The following NKAPD1 variants were observed in gnomAD, a reference collection of about 807,000 sequenced individuals.
NKAPD1 encodes the protein uncharacterized protein NKAPD1.
NKAPD1 carries 12 observed loss-of-function variants against 30.9 expected under a neutral mutation model. The observed-to-expected ratio is 0.39, with a 90% CI of 0.25 to 0.63. NKAPD1 has a LOEUF of 0.63. NKAPD1 is among the 20% of genes least tolerant of loss of function. NKAPD1 has a pLI of 0.51. For synonymous variants in NKAPD1, 91 were observed against 113.6 expected (o/e 0.80, Z 1.26); for missense variants, 311 against 344.5 (o/e 0.90, Z 0.77).
In NKAPD1 at chr11:112,084,218, A is replaced by G. The variant is rs1163602609; in HGVS notation, c.*1246A>G. 2.0e-5 allele frequency: 3 copies of G among 152,600 alleles called. No individual in the cohort carries two copies. The East Asian group carries it at 5.8e-4, about 29-fold the overall frequency. The allele number at this position is 152,600 out of a possible 1,614,324, so 9.5% of individuals were successfully genotyped here. A position where few individuals can be genotyped will look rare whatever the true frequency, so the allele number is the denominator to read the frequency against. ...TCACCTTCCTGGCCTTACTTTCCTG[A>G]TGTGTAATACGGAATTACTTCACAG... On this transcript the variant is annotated 3_prime_UTR_variant, in exon 6 of 6. Transcript: ENST00000393047.
chr11:112,077,838 C>CT (rs779925830), intron 2 of NKAPD1, among the ~76,000 whole-genome samples: 1,988 of 139,666 alleles, frequency 0.014, 33 homozygotes, highest in African/African-American at 0.04. Context: ...CAGTTAGTTG[C>CT]TTTTTTTTTT....
intron 2 of NKAPD1, among the ~76,000 whole-genome samples, chr11:112,077,837 G>C (rs1592763967): frequency 6.8e-6 from 1 of 146,490 alleles, no homozygotes; most frequent in Admixed American, 6.8e-5. Context: ...TCAGTTAGTT[G>C]CTTTTTTTTT....
chr11:112,079,814 C>CT (rs886279310), intron 3 of NKAPD1, among the ~76,000 whole-genome samples: 104 of 144,432 alleles, frequency 7.2e-4, no homozygotes, highest in Middle Eastern at 3.6e-3. Context: ...TTCTTTTTTT[C>CT]TTTTTTTTTT....
In NKAPD1 at chr11:112,082,956, G is replaced by A. The variant is rs1825663681; in HGVS notation, c.866G>A (p.Ser289Asn). 6.3e-7 allele frequency: 1 copy of A among 1,591,564 alleles called. No individual in the cohort carries two copies. The highest frequency in any genetic ancestry group is 1.1e-5 in the South Asian group (1 of 87,224). The change falls in exon 6 of 6, where the codon AGC becomes AAC. Residue 289 changes from serine (S) to asparagine (N), a missense_variant. Ser to Asn is a conservative substitution (Grantham distance 46). Transcript: ENST00000393047. ...KVATDERSAE[S>N]SEDD Reference sequence around the variant, plus strand: ...GCTACAGATGAAAGGTCTGCTGAGAGCTCAGAGGATGACTAAATGGGAAAC... The same window carrying A: ...GCTACAGATGAAAGGTCTGCTGAGAACTCAGAGGATGACTAAATGGGAAAC...
chr11:112,080,578 G>A lies in NKAPD1; in HGVS notation c.320+20G>A, dbSNP rs780751181. On this transcript the variant is annotated intron_variant, in intron 4 of 5. Transcript: ENST00000393047. ...AGACAGGTTTGTGATTAATTCCTGT[G>A]AGCATTAATATTTGGCCTGAGAACG... 1 of 1,609,994 alleles carries A rather than the reference G, an allele frequency of 6.2e-7. No homozygotes were observed. The highest frequency in any genetic ancestry group is 2.2e-5 in the East Asian group (1 of 44,806).
Position 112,074,617 on chromosome 11 carries a change from T to C in NKAPD1, c.-308T>C. The C allele has an allele frequency of 1.3e-5, 5 of 397,590 alleles. No homozygotes were observed. Among genetic ancestry groups the C allele is most frequent in the Non-Finnish European group, 2.2e-5 (5 of 225,608 alleles). 24.6% of individuals were successfully genotyped at this position (397,590 alleles called of 1,614,324 possible). ...CCCCGGGGTTCGTCCTAGAGGAGCG[T>C]GAGCGGGGAATGCCCAGGTCAACCG... On this transcript the variant is annotated 5_prime_UTR_variant, in exon 1 of 6. Coordinates refer to ENST00000393047, the MANE Select transcript of NKAPD1 (RefSeq NM_018195.4).
chr11:112,083,794 C>T lies in NKAPD1; in HGVS notation c.*822C>T, dbSNP rs1865516395. 6.6e-6 allele frequency: 1 copy of T among 152,576 alleles called. No homozygotes were observed. The highest frequency in any genetic ancestry group is 6.6e-5 in the Admixed American group (1 of 15,264). The allele number at this position is 152,576 out of a possible 1,614,324, so 9.5% of individuals were successfully genotyped here. On this transcript the variant is annotated 3_prime_UTR_variant, in exon 6 of 6. Transcript: ENST00000393047. ...TGGTACTCTGGATTCAGGGCAGCAA[C>T]TGCCATTTAAATGTTGTCTTGTTCA...
chr11:112,082,446 T>G lies in NKAPD1; in HGVS notation c.375-19T>G. ...TTTTTTTTACATAAAAGCTTCTATT[T>G]TTTAACTTTTCTTATTAGTAGTGAT... On this transcript the variant is annotated intron_variant, in intron 5 of 5. Coordinates refer to ENST00000393047, the MANE Select transcript of NKAPD1 (RefSeq NM_018195.4). 1 of 1,500,466 alleles carries G rather than the reference T, an allele frequency of 6.7e-7. No homozygotes were observed. The highest frequency in any genetic ancestry group is 8.9e-7 in the Non-Finnish European group (1 of 1,125,992). The allele number at this position is 1,500,466 out of a possible 1,614,324, so 92.9% of individuals were successfully genotyped here.
chr11:112,079,141 A>ATTTTTTTTTTTTTTTTTTTTTTTTTTTTT (rs35305300), intron 3 of NKAPD1, among the ~76,000 whole-genome samples: 1 of 115,950 alleles, frequency 8.6e-6, no homozygotes. Flanking sequence ...GGCCCTTACA[A>ATTTTTTTTTTTTTTTTTTTTTTTTTTTTT]TTTTTTTTTT....
intron 2 of NKAPD1, 30 bp downstream of exon 2, chr11:112,075,673 C>G: frequency 6.3e-7 from 1 of 1,599,434 alleles, no homozygotes; most frequent in Non-Finnish European, 8.5e-7. Context: ...TACTCCTCAA[C>G]GCTTACTGAA....
Position 112,083,046 on chromosome 11 carries a change from T to C in NKAPD1, c.*74T>C, listed in dbSNP as rs1403821606. 6.7e-6 allele frequency: 10 copies of C among 1,490,122 alleles called. No homozygotes were observed. Among genetic ancestry groups the C allele is most frequent in the Non-Finnish European group, 9.0e-6 (10 of 1,117,062 alleles). The allele number at this position is 1,490,122 out of a possible 1,614,324, so 92.3% of individuals were successfully genotyped here. ...TACTCCTTGTGGTTTTGCCAGTGAC[T>C]CTTGTTCAGCACGGGGCCTGAGGTC... On this transcript the variant is annotated 3_prime_UTR_variant, in exon 6 of 6. Transcript: ENST00000393047.
In NKAPD1 at chr11:112,080,557, AG is replaced by A; in HGVS notation, c.320+1del. On this transcript the variant is annotated frameshift_variant and splice_region_variant, in exon 4 of 6. Transcript: ENST00000393047. LOFTEE classifies it high-confidence loss of function. ...TGATTATGAAGCAAACATGCCAGAC[AG>A]GTTTGTGATTAATTCCTGTGAGCAT... ...FYDYEANMPD[R>X]WGHSGYKELY... 1 of 1,613,082 alleles carries A rather than the reference AG, an allele frequency of 6.2e-7. No homozygotes were observed. Among genetic ancestry groups the A allele is most frequent in the Non-Finnish European group, 8.5e-7 (1 of 1,179,816 alleles).
At chr11:112,080,121 G>T (rs899361425) in intron 3 of NKAPD1, among the ~76,000 whole-genome samples, 3 of 151,996 alleles carry the variant, frequency 2.0e-5, no homozygotes, top group Non-Finnish European at 4.4e-5. Flanking sequence ...GGCCTGGTCA[G>T]ATTTTTTTCC....
chr11:112,075,618 TC>T lies in NKAPD1; in HGVS notation c.46del (p.Arg16GlyfsTer18), dbSNP rs780671147. On this transcript the variant is annotated frameshift_variant, in exon 2 of 6. Transcript: ENST00000393047. LOFTEE classifies it high-confidence loss of function. ...GGGAAGGTCCTCCTGAGGAATGTCA[TC>T]CGGCACACAGATGCTCACAATAAGG... ...PLGKVLLRNVIRHTDAHNKIQ... is the reference protein window; with the variant it reads ...PLGKVLLRNVXRHTDAHNKIQ... The T allele has an allele frequency of 2.5e-6, 4 of 1,607,552 alleles. No homozygotes were observed. Among genetic ancestry groups the T allele is most frequent in the Non-Finnish European group, 3.4e-6 (4 of 1,178,298 alleles).
In NKAPD1 at chr11:112,078,385, T is replaced by A. The variant is rs1020626878; in HGVS notation, c.170+70T>A. Reference sequence around the variant, plus strand: ...AGAATCATCAACTTTTGTTTAAAAATACTTTGGTATATTAAGGATAAATTC... The same window carrying A: ...AGAATCATCAACTTTTGTTTAAAAAAACTTTGGTATATTAAGGATAAATTC... On this transcript the variant is annotated intron_variant, in intron 3 of 5. Coordinates refer to ENST00000393047, the MANE Select transcript of NKAPD1 (RefSeq NM_018195.4). 7 of 1,217,414 alleles carry A rather than the reference T, an allele frequency of 5.7e-6. No homozygotes were observed. The Admixed American group carries it at 1.0e-4, about 18-fold the overall frequency. The allele number at this position is 1,217,414 out of a possible 1,614,324, so 75.4% of individuals were successfully genotyped here.
At chr11:112,077,601 C>T (rs1592763685) in intron 2 of NKAPD1, among the ~76,000 whole-genome samples, 2 of 152,216 alleles carry the variant, frequency 1.3e-5, no homozygotes, top group East Asian at 3.9e-4. Context: ...AATCATATTG[C>T]ATTTTGGAAA....
chr11:112,080,327 C>A, intron 3 of NKAPD1, 82 bp from the exon 4 acceptor site: 1 of 1,358,992 alleles, frequency 7.4e-7, no homozygotes, highest in Non-Finnish European at 1.0e-6. Context: ...CAGCTTGTTC[C>A]ATGAGTTTTG....
chr11:112,080,269 C>CTT (rs571411828), intron 3 of NKAPD1, 140 bp from the exon 4 acceptor site: 7,255 of 588,634 alleles, frequency 0.012, 2 homozygotes, highest in South Asian at 0.018. Context: ...ATGTCTTTGC[C>CTT]TTTTTTTTTT....
chr11:112,081,459 C>T (rs147243898), intron 4 of NKAPD1: 3,351 of 153,380 alleles, frequency 0.022, 55 homozygotes, highest in Non-Finnish European at 0.034. Flanking sequence ...ATAATGAAAC[C>T]CCATCTCTAC....
Sources: gnomAD v4.1 joint callset for allele counts (sites outside exome capture counted in the v4.1 genomes callset) on GRCh38, gnomAD v4.1.1 for gene constraint, MANE v1.5 for transcripts, NCBI Gene and HGNC (gene_info 2026-07-23, HGNC 2026-07-21) for gene names.